SH2D4B: variants seen among roughly 807,000 people sequenced by gnomAD.
The protein encoded by SH2D4B is SH2 domain containing 4B.
A neutral mutation model predicts 61.5 loss-of-function variants in SH2D4B; 45 were observed. That is an observed-to-expected ratio of 0.73 (90% CI 0.58 to 0.94). The LOEUF is 0.94. SH2D4B is among the 40% of genes least tolerant of loss of function. The pLI is 0.00. For missense variants in SH2D4B, 572 were observed against 574.2 expected, an observed-to-expected ratio of 1.00 and a Z score of 0.04; for synonymous variants, 224 against 220.4, an observed-to-expected ratio of 1.02 and a Z score of -0.14.
intron 4 of SH2D4B, among the ~76,000 whole-genome samples, chr10:80,599,382 G>A (rs1266444773): frequency 1.3e-5 from 2 of 152,162 alleles, no homozygotes; most frequent in Non-Finnish European, 2.9e-5. Context: ...AACTCTAGGT[G>A]CCACATATTT....
At chr10:80,606,433 G>T (rs538817196) in intron 5 of SH2D4B, among the ~76,000 whole-genome samples, 8 of 151,938 alleles carry the variant, frequency 5.3e-5, no homozygotes, top group Admixed American at 2.0e-4. Context: ...TGCAACCTCT[G>T]CCTCCCAGGT....
At chr10:80,554,898 A>G (rs1016061589) in intron 1 of SH2D4B, among the ~76,000 whole-genome samples, 8 of 150,326 alleles carry the variant, frequency 5.3e-5, no homozygotes, top group African/African-American at 2.0e-4. Flanking sequence ...AGTCCCAGCT[A>G]CTCAGGAGGC....
chr10:80,605,619 A>G (rs983423902), intron 5 of SH2D4B, among the ~76,000 whole-genome samples: 2 of 152,174 alleles, frequency 1.3e-5, no homozygotes, highest in African/African-American at 2.4e-5. Flanking sequence ...CCCAGGTTCA[A>G]GTGATTCTCC....
At chr10:80,566,514 T>C (rs943401639) in intron 1 of SH2D4B, among the ~76,000 whole-genome samples, 1 of 152,116 alleles carries the variant, frequency 6.6e-6, no homozygotes, top group Non-Finnish European at 1.5e-5. Context: ...CAAGCTGGTC[T>C]GGAACTCCTG....
chr10:80,616,317 A>G (rs1229025976), intron 6 of SH2D4B, among the ~76,000 whole-genome samples: 1 of 152,218 alleles, frequency 6.6e-6, no homozygotes, highest in Non-Finnish European at 1.5e-5. Flanking sequence ...CAAATGCAAA[A>G]CTTTCTAAAG....
intron 1 of SH2D4B, among the ~76,000 whole-genome samples, chr10:80,545,417 G>A (rs529309018): frequency 4.1e-5 from 6 of 146,436 alleles, no homozygotes; most frequent in Admixed American, 6.8e-5. Flanking sequence ...CTTACTTTCT[G>A]TCCTCTTTCT....
intron 1 of SH2D4B, among the ~76,000 whole-genome samples, chr10:80,559,711 C>T (rs1841879383): frequency 6.7e-6 from 1 of 148,884 alleles, no homozygotes; most frequent in Non-Finnish European, 1.5e-5. Context: ...GATCATGGCT[C>T]ACTGTAGCCT....
chr10:80,586,864 A>G (rs761583496), intron 3 of SH2D4B, among the ~76,000 whole-genome samples: 1 of 152,186 alleles, frequency 6.6e-6, no homozygotes, highest in East Asian at 1.9e-4. Flanking sequence ...TCCTGAAGCC[A>G]GGGAGACCAC....
At chr10:80,585,559 C>T (rs1230226608) in intron 3 of SH2D4B, among the ~76,000 whole-genome samples, 1 of 152,246 alleles carries the variant, frequency 6.6e-6, no homozygotes, top group Admixed American at 6.5e-5. Flanking sequence ...AGGTGATCTG[C>T]CTGCCTTGGC....
At chr10:80,558,537 G>A (rs190252941) in intron 1 of SH2D4B, among the ~76,000 whole-genome samples, 33 of 152,228 alleles carry the variant, frequency 2.2e-4, no homozygotes, top group African/African-American at 7.9e-4. Context: ...CTGGAGTGCA[G>A]TGGTTCAGTC....
intron 5 of SH2D4B, among the ~76,000 whole-genome samples, chr10:80,608,246 G>A (rs974691862): frequency 5.3e-5 from 8 of 152,114 alleles, no homozygotes; most frequent in Non-Finnish European, 1.0e-4. Context: ...AAACAAAACC[G>A]CACATTGGTA....
At chr10:80,595,344 G>C (rs1168508501) in intron 4 of SH2D4B, among the ~76,000 whole-genome samples, 4 of 152,152 alleles carry the variant, frequency 2.6e-5, no homozygotes, top group Admixed American at 2.6e-4. Flanking sequence ...TTGAAAACTG[G>C]GCTGTCTTTG....
In SH2D4B at chr10:80,615,225, C is replaced by T. The variant is rs1842647603; in HGVS notation, c.988+5674C>T. On this transcript the variant is annotated intron_variant, in intron 6 of 7. Transcript: ENST00000646907. ...TGCCATGCAGTCCTGCATCCCATGG[C>T]ACTGCCAATTACTGCAAGAGCTGGT... is the stretch of plus-strand genomic sequence containing the variant. 2.6e-5 allele frequency among the ~76,000 whole-genome samples: 4 copies of T among 152,364 alleles called. No homozygotes were observed. In the South Asian group the frequency reaches 8.3e-4, roughly 32 times the overall value.
rs181514492 is a variant in SH2D4B at position 80,587,725 on chromosome 10, T to G, written c.496-905T>G. On this transcript the variant is annotated intron_variant, in intron 3 of 7. Coordinates refer to ENST00000646907, the MANE Select transcript of SH2D4B (RefSeq NM_001388272.1). ...GCATATTACCCAAGAGGCACTTTTT[T>G]AGTCATTCCCCGTCTCCCTGTCTCC... 5.8e-4 allele frequency among the ~76,000 whole-genome samples: 88 copies of G among 152,294 alleles called. 1 individual carries two copies. Among genetic ancestry groups the G allele is most frequent in the Admixed American group, 2.8e-3 (43 of 15,292 alleles).
At chr10:80,583,040 A>C (rs35154155) in intron 3 of SH2D4B, among the ~76,000 whole-genome samples, 36,628 of 152,042 alleles carry the variant, frequency 0.24, 5,379 homozygotes, top group African/African-American at 0.4. Context: ...TCAGATATTT[A>C]CTTCTCTCTT....
At chr10:80,629,036 A>AAAAAAAAAAAAGG (rs142895629) in intron 6 of SH2D4B, among the ~76,000 whole-genome samples, 3 of 144,964 alleles carry the variant, frequency 2.1e-5, no homozygotes, top group African/African-American at 8.0e-5. Context: ...TCTCAAAAAA[A>AAAAAAAAAAAAGG]AAAAAGAAAA....
chr10:80,570,148 G>T lies in SH2D4B; in HGVS notation c.185-6G>T. 1 of 1,613,986 alleles carries T rather than the reference G, an allele frequency of 6.2e-7. No homozygotes were observed. ...CTTGTTTCTTCTTCCTTCTTCTATT[G>T]TGAAGCAGCGAGTGACAAGCACATC... On this transcript the variant is annotated splice_region_variant and splice_polypyrimidine_tract_variant and intron_variant, in intron 1 of 7. Transcript: ENST00000646907.
intron 1 of SH2D4B, among the ~76,000 whole-genome samples, chr10:80,543,604 C>G (rs549530199): frequency 6.6e-6 from 1 of 152,350 alleles, no homozygotes; most frequent in South Asian, 2.1e-4. Context: ...TGCGGGCGCA[C>G]CGCGCGGGAC....
intron 6 of SH2D4B, among the ~76,000 whole-genome samples, chr10:80,620,885 T>C (rs1842711866): frequency 1.3e-5 from 2 of 152,212 alleles, no homozygotes; most frequent in African/African-American, 2.4e-5. Context: ...ACACTCTTTA[T>C]TGAGGGCCTA....
Sources: gnomAD v4.1 joint callset for allele counts (sites outside exome capture counted in the v4.1 genomes callset) on GRCh38, gnomAD v4.1.1 for gene constraint, MANE v1.5 for transcripts, NCBI Gene and HGNC (gene_info 2026-07-23, HGNC 2026-07-21) for gene names.